The following FGD4 variants were observed in gnomAD, a reference collection of about 807,000 sequenced individuals.
FGD4 encodes FYVE, RhoGEF and PH domain-containing protein 4.
In FGD4, 42 loss-of-function variants were observed where a neutral mutation model predicts 102.0. That is an observed-to-expected ratio of 0.41 (90% CI 0.32 to 0.53). The LOEUF (loss-of-function observed/expected upper bound fraction) is 0.53. Among genes scored for constraint, FGD4 ranks in the 20% least tolerant of loss-of-function variants. The pLI, the probability that FGD4 is intolerant of heterozygous loss-of-function variation, is 0.21. For missense variants in FGD4, 902 were observed against 1,078.2 expected, an observed-to-expected ratio of 0.84 and a Z score of 2.29; for synonymous variants, 380 against 375.7, an observed-to-expected ratio of 1.01 and a Z score of -0.13.
chr12:32,587,224 T>C (rs117010401), intron 4 of FGD4, among the ~76,000 whole-genome samples: 5,383 of 149,792 alleles, frequency 0.036, 124 homozygotes, highest in Non-Finnish European at 0.055. Flanking sequence ...TCTGGAAGCA[T>C]TACGATTTAT....
At chr12:32,614,156 G>A (rs1326840198) in intron 10 of FGD4, among the ~76,000 whole-genome samples, 3 of 152,106 alleles carry the variant, frequency 2.0e-5, no homozygotes, top group Non-Finnish European at 2.9e-5. Context: ...AAGTCTGACC[G>A]AAAAATTAAA....
chr12:32,479,829 C>T (rs1004658116), intron 1 of FGD4, among the ~76,000 whole-genome samples: 1 of 141,698 alleles, frequency 7.1e-6, no homozygotes. Context: ...CACTCTGTCA[C>T]CCTGGCTGGA....
rs529173344 is a variant in FGD4, at chr12:32,404,281, C to A, written c.166+4322C>A. On this transcript the variant is annotated intron_variant, in intron 1 of 16. Transcript: ENST00000534526. ...CAGTTTTTTTTTTTCTGGTACTCAC[C>A]ATGGCTGGAATGCTCACATTTTCAA... 1.2e-3 allele frequency among the ~76,000 whole-genome samples: 185 copies of A among 151,606 alleles called. 1 individual carries two copies. The highest frequency in any genetic ancestry group is 3.4e-3 in the Middle Eastern group (1 of 292).
At chr12:32,504,437 C>T (rs760711987) in intron 1 of FGD4, among the ~76,000 whole-genome samples, 1 of 152,218 alleles carries the variant, frequency 6.6e-6, no homozygotes, top group Non-Finnish European at 1.5e-5. Context: ...CCACCATGCA[C>T]ACAGCTTCTT....
intron 2 of FGD4, among the ~76,000 whole-genome samples, chr12:32,573,220 C>G (rs1308621966): frequency 6.6e-6 from 1 of 152,102 alleles, no homozygotes; most frequent in African/African-American, 2.4e-5. Context: ...TTCAGCCTCC[C>G]GAGTAGCTGG....
intron 2 of FGD4, 65 bp from the exon 3 acceptor site, chr12:32,576,201 C>T: frequency 6.6e-7 from 1 of 1,504,818 alleles, no homozygotes; most frequent in Non-Finnish European, 9.0e-7. Context: ...ACCCAGGACA[C>T]CAGAATTTTT....
chr12:32,492,201 G>A (rs920950882), intron 1 of FGD4, among the ~76,000 whole-genome samples: 1 of 152,170 alleles, frequency 6.6e-6, no homozygotes, highest in Admixed American at 6.5e-5. Context: ...TGAAATGAAT[G>A]TATTGACATT....
intron 1 of FGD4, among the ~76,000 whole-genome samples, chr12:32,465,012 C>A (rs984638950): frequency 6.6e-6 from 1 of 151,886 alleles, no homozygotes; most frequent in Non-Finnish European, 1.5e-5. Flanking sequence ...GGGATTAAAG[C>A]CAGAGAAGAG....
intron 10 of FGD4, among the ~76,000 whole-genome samples, chr12:32,614,819 C>T (rs1294080084): frequency 6.6e-6 from 1 of 152,204 alleles, no homozygotes; most frequent in Non-Finnish European, 1.5e-5. Flanking sequence ...TGGCTGCTAT[C>T]ATTGATTACA....
At chr12:32,611,033 C>G (rs1279056862) in intron 9 of FGD4, 104 bp from the exon 10 acceptor site, 9 of 1,410,948 alleles carry the variant, frequency 6.4e-6, no homozygotes, top group Non-Finnish European at 9.0e-6. Flanking sequence ...TGTATGCTTA[C>G]TCCTAATCCC....
intron 1 of FGD4, among the ~76,000 whole-genome samples, chr12:32,542,167 A>G (rs976323832): frequency 7.5e-6 from 1 of 133,790 alleles, no homozygotes; most frequent in Admixed American, 7.4e-5. Context: ...TTGAATGAGC[A>G]GTGTTGGTAA....
chr12:32,587,187 C>CAAAAAA, intron 4 of FGD4, among the ~76,000 whole-genome samples: 1 of 66,150 alleles, frequency 1.5e-5, no homozygotes, highest in Non-Finnish European at 3.3e-5. Context: ...GAGACTCTCT[C>CAAAAAA]AAAAAAAAAA....
intron 1 of FGD4, among the ~76,000 whole-genome samples, chr12:32,407,644 C>G (rs1249065108): frequency 1.3e-5 from 2 of 152,202 alleles, no homozygotes; most frequent in East Asian, 3.9e-4. Context: ...TTCTGTTTGA[C>G]TCCTCATTGC....
intron 11 of FGD4, among the ~76,000 whole-genome samples, chr12:32,623,060 A>G (rs1949942416): frequency 1.3e-5 from 2 of 152,210 alleles, no homozygotes; most frequent in Admixed American, 1.3e-4. Flanking sequence ...TTTCTTGCTA[A>G]AGTATGAGTC....
chr12:32,576,055 CT>C (rs1451470841), intron 2 of FGD4, among the ~76,000 whole-genome samples: 1 of 152,254 alleles, frequency 6.6e-6, no homozygotes, highest in East Asian at 1.9e-4. Context: ...AAAAGAACCA[CT>C]TAAGTTTGGA....
At chr12:32,408,172 T>G (rs1398280227) in intron 1 of FGD4, among the ~76,000 whole-genome samples, 1 of 149,270 alleles carries the variant, frequency 6.7e-6, no homozygotes, top group African/African-American at 2.5e-5. Context: ...CCAATTTTTT[T>G]TTTTTTTTTT....
chr12:32,577,409 G>A (rs1565863081), intron 3 of FGD4, among the ~76,000 whole-genome samples: 1 of 152,166 alleles, frequency 6.6e-6, no homozygotes, highest in Non-Finnish European at 1.5e-5. Context: ...CGGATTTACT[G>A]TTACTTATGT....
At chr12:32,409,287 T>C (rs1941095065) in intron 1 of FGD4, among the ~76,000 whole-genome samples, 1 of 109,022 alleles carries the variant, frequency 9.2e-6, no homozygotes, top group South Asian at 2.8e-4. Flanking sequence ...TTTTTCTTTT[T>C]TTTCTTTTTT....
chr12:32,475,961 T>G (rs757993151), intron 1 of FGD4, among the ~76,000 whole-genome samples: 3 of 152,254 alleles, frequency 2.0e-5, no homozygotes, highest in Non-Finnish European at 4.4e-5. Flanking sequence ...CCTTTTTAAA[T>G]TCATGTCACT....
Sources: allele counts gnomAD v4.1 joint callset (sites outside exome capture counted in the v4.1 genomes callset), GRCh38; gene constraint gnomAD v4.1.1; transcripts MANE v1.5; gene names NCBI Gene and HGNC (gene_info 2026-07-23, HGNC 2026-07-21).